Variants in CD44 observed in about 807,000 individuals in gnomAD.
The protein encoded by CD44 is CD44 antigen.
In CD44, 49 loss-of-function variants were observed where a neutral mutation model predicts 88.8. That is an observed-to-expected ratio of 0.55 (90% CI 0.44 to 0.70). CD44 has a LOEUF of 0.70. CD44 is among the 30% of genes least tolerant of loss of function. CD44 has a pLI of 0.00. For synonymous variants in CD44, 325 were observed against 312.3 expected (o/e 1.04, Z -0.43); for missense variants, 883 against 913.8 (o/e 0.97, Z 0.43).
At chr11:35,187,755 G>C (rs2133856560) in intron 4 of CD44, among the ~76,000 whole-genome samples, 1 of 152,262 alleles carries the variant, frequency 6.6e-6, no homozygotes, top group African/African-American at 2.4e-5. Flanking sequence ...TATAACTGAA[G>C]TATTGAAAGA....
chr11:35,204,517 G>A lies in CD44; in HGVS notation c.1159G>A (p.Ala387Thr). 9.3e-6 allele frequency: 15 copies of A among 1,613,116 alleles called. No individual in the cohort carries two copies. The highest frequency in any genetic ancestry group is 1.1e-5 in the Non-Finnish European group (13 of 1,179,372). The change falls in exon 10 of 18, where the codon GCA (alanine) becomes ACA (threonine). Residue 387 changes from alanine (A) to threonine (T), a missense_variant. Coordinates refer to ENST00000428726, the MANE Select transcript of CD44 (RefSeq NM_000610.4). ...ETPHSTSTIQATPSSTTEETA... is the reference protein window; with the variant it reads ...ETPHSTSTIQTTPSSTTEETA... Reference sequence around the variant, plus strand: ...AACTGATATTCTTCTCACAGTCCAGGCAACTCCTAGTAGTACAACGGAAGA... The same window carrying A: ...AACTGATATTCTTCTCACAGTCCAGACAACTCCTAGTAGTACAACGGAAGA...
chr11:35,198,369 C>A, intron 7 of CD44, 123 bp downstream of exon 7: 2 of 781,940 alleles, frequency 2.6e-6, no homozygotes, highest in South Asian at 4.3e-5. Flanking sequence ...TATGATCATA[C>A]CTTAGTTATA....
chr11:35,225,102 G>GAGCCCTTGAACTATGGCTAGTTCA (rs1949602726), intron 17 of CD44, among the ~76,000 whole-genome samples: 1 of 123,768 alleles, frequency 8.1e-6, no homozygotes, highest in Non-Finnish European at 1.9e-5. Flanking sequence ...AGCCACAACT[G>GAGCCCTTGAACTATGGCTAGTTCA]AGCACTTGAA....
intron 10 of CD44, chr11:35,205,751 T>A (rs1947766659): frequency 1.0e-6 from 1 of 984,544 alleles, no homozygotes; most frequent in South Asian, 4.7e-5. Flanking sequence ...CAGAATAACA[T>A]CATGCACTCG....
At chr11:35,186,698 C>A in intron 3 of CD44, 134 bp from the exon 4 acceptor site, 1 of 600,020 alleles carries the variant, frequency 1.7e-6, no homozygotes, top group East Asian at 2.9e-5. Context: ...TCCTAGCCAA[C>A]TTAGGAGTTT....
At chr11:35,192,922 C>T (rs184595696) in intron 5 of CD44, among the ~76,000 whole-genome samples, 11 of 150,960 alleles carry the variant, frequency 7.3e-5, no homozygotes, top group African/African-American at 9.7e-5. Context: ...ACAAAAATAA[C>T]GCCTATTTCT....
chr11:35,221,671 G>A lies in CD44; in HGVS notation c.1963G>A (p.Ala655Thr), dbSNP rs61755294. Residue 655 changes from alanine (A) to threonine (T), a missense_variant, in exon 17 of 18, where the codon GCA (alanine) becomes ACA (threonine). Ala to Thr is a moderately conservative substitution (Grantham distance 58). Around this residue, in one of 2 missense-constraint regions of CD44, gnomAD observed 631 missense variants for 590.9 expected, o/e 1.07. Coordinates refer to ENST00000428726, the MANE Select transcript of CD44 (RefSeq NM_000610.4). ...CATACCAGAATGGCTGATCATCTTGGCATCCCTCTTGGCCTTGGCTTTGAT... is the reference window on the plus strand; with the variant it reads ...CATACCAGAATGGCTGATCATCTTGACATCCCTCTTGGCCTTGGCTTTGAT... ...PQIPEWLIIL[A>T]SLLALALILA... 1.2e-5 allele frequency: 20 copies of A among 1,613,876 alleles called. No individual in the cohort carries two copies. The highest frequency in any genetic ancestry group is 8.0e-5 in the African/African-American group (6 of 74,910).
intron 9 of CD44, 24 bp downstream of exon 9, chr11:35,201,811 T>C: frequency 6.2e-7 from 1 of 1,612,084 alleles, no homozygotes; most frequent in Non-Finnish European, 8.5e-7. Context: ...CGGTCGGCAG[T>C]TCTGGGTTAG....
chr11:35,185,859 G>A (rs1433865075), intron 3 of CD44, among the ~76,000 whole-genome samples: 1 of 152,186 alleles, frequency 6.6e-6, no homozygotes, highest in Non-Finnish European at 1.5e-5. Context: ...CAGCTACACT[G>A]CAGTCTGCTT....
chr11:35,196,696 G>T (rs1382234415), intron 5 of CD44, 50 bp from the exon 6 acceptor site: 1 of 1,588,770 alleles, frequency 6.3e-7, no homozygotes, highest in East Asian at 2.2e-5. Flanking sequence ...CTATTTCTTA[G>T]GAACCGTTAA....
chr11:35,178,878 A>G (rs1353740095), intron 2 of CD44, among the ~76,000 whole-genome samples: 1 of 152,190 alleles, frequency 6.6e-6, no homozygotes, highest in Non-Finnish European at 1.5e-5. Flanking sequence ...ACTCATTTCC[A>G]TAATTTCTCT....
chr11:35,202,712 C>G (rs1370165094), intron 9 of CD44, among the ~76,000 whole-genome samples: 1 of 152,098 alleles, frequency 6.6e-6, no homozygotes, highest in Admixed American at 6.6e-5. Flanking sequence ...TTTCAGGTAT[C>G]AGTTAGGATA....
chr11:35,182,766 G>GTC (rs1945280457), intron 3 of CD44, among the ~76,000 whole-genome samples: 1 of 152,220 alleles, frequency 6.6e-6, no homozygotes, highest in Admixed American at 6.5e-5. Flanking sequence ...ACACTCCTGA[G>GTC]TCTCTGGGCA....
At chr11:35,178,976 T>C (rs933958578) in intron 2 of CD44, among the ~76,000 whole-genome samples, 2 of 152,226 alleles carry the variant, frequency 1.3e-5, no homozygotes, top group Non-Finnish European at 2.9e-5. Flanking sequence ...CTCTCTTTTG[T>C]CTGCCCCACC....
At chr11:35,222,890 C>A (rs186960922) in intron 17 of CD44, 13 of 985,334 alleles carry the variant, frequency 1.3e-5, no homozygotes, top group Admixed American at 6.1e-5. Flanking sequence ...CAGAAAAATG[C>A]CCCTCAGTCT....
At chr11:35,217,338 C>T (rs1948918029) in intron 15 of CD44, among the ~76,000 whole-genome samples, 1 of 144,364 alleles carries the variant, frequency 6.9e-6, no homozygotes, top group Admixed American at 7.0e-5. Flanking sequence ...ATATCAAAGG[C>T]TTCTATGAGT....
intron 17 of CD44, among the ~76,000 whole-genome samples, chr11:35,224,599 T>C (rs529278403): frequency 6.6e-6 from 1 of 152,156 alleles, no homozygotes; most frequent in Non-Finnish European, 1.5e-5. Context: ...TAGCCGGGCA[T>C]AGTGGCGCAT....
rs74738553 is a variant in CD44 at position 35,226,979 on chromosome 11, G to C, written c.2025-2150G>C. On this transcript the variant is annotated intron_variant, in intron 17 of 17. Coordinates refer to ENST00000428726, the MANE Select transcript of CD44 (RefSeq NM_000610.4). ...AGCTTACTGCAACCTCCACCTCCCA[G>C]GTTCAAGCAATTCTCCTGCTTCAGT... Among the ~76,000 whole-genome samples the C allele has an allele frequency of 1.4e-3, 204 of 145,722 alleles. 5 individuals carry two copies. The East Asian group carries it at 0.04, about 28-fold the overall frequency.
chr11:35,156,633 T>A (rs1428959041), intron 1 of CD44, among the ~76,000 whole-genome samples: 1 of 152,196 alleles, frequency 6.6e-6, no homozygotes, highest in East Asian at 1.9e-4. Flanking sequence ...GAGAGACAGA[T>A]CTCCTTTGGG....
Sources: allele counts gnomAD v4.1 joint callset (sites outside exome capture counted in the v4.1 genomes callset), GRCh38; gene constraint gnomAD v4.1.1; regional missense constraint gnomAD v4.1.1; transcripts MANE v1.5; gene names NCBI Gene and HGNC (gene_info 2026-07-23, HGNC 2026-07-21).